CDH13: variants seen among roughly 807,000 people sequenced by gnomAD.
The protein encoded by CDH13 is cadherin 13.
A neutral mutation model predicts 63.8 loss-of-function variants in CDH13; 24 were observed. The ratio of observed to expected loss-of-function variants is 0.38; its 90% CI spans 0.27 to 0.53. The LOEUF (loss-of-function observed/expected upper bound fraction) is 0.53, where lower values mean the gene tolerates loss of function less well. CDH13 is among the 20% of genes least tolerant of loss of function. CDH13 has a pLI of 0.85. For synonymous variants in CDH13, 503 were observed against 355.3 expected (o/e 1.42, Z -4.67); for missense variants, 1,049 against 903.1 (o/e 1.16, Z -2.07).
intron 5 of CDH13, among the ~76,000 whole-genome samples, chr16:83,229,258 T>C (rs1022728727): frequency 1.3e-5 from 2 of 152,166 alleles, no homozygotes; most frequent in Non-Finnish European, 2.9e-5. Flanking sequence ...ATGCATTCAT[T>C]TATTGAGGCC....
chr16:83,416,255 A>T (rs1239566635), intron 6 of CDH13, among the ~76,000 whole-genome samples: 4 of 152,220 alleles, frequency 2.6e-5, no homozygotes, highest in African/African-American at 4.8e-5. Flanking sequence ...TAAAAGACAC[A>T]AACAGATAGA....
chr16:83,739,296 C>T (rs1214997030), intron 10 of CDH13, among the ~76,000 whole-genome samples: 1 of 152,082 alleles, frequency 6.6e-6, no homozygotes, highest in East Asian at 1.9e-4. Context: ...CGGTGAGCTT[C>T]CCTGATGGAG....
intron 1 of CDH13, among the ~76,000 whole-genome samples, chr16:82,693,382 A>G (rs16958318): frequency 0.044 from 6,713 of 152,304 alleles, 263 homozygotes; most frequent in African/African-American, 0.096. Flanking sequence ...ATTCTTGTAC[A>G]TGAAAACACA....
At chr16:82,654,576 A>G (rs924719746) in intron 1 of CDH13, among the ~76,000 whole-genome samples, 3 of 152,052 alleles carry the variant, frequency 2.0e-5, no homozygotes, top group Non-Finnish European at 4.4e-5. Flanking sequence ...ATCCTGATTG[A>G]CTGACTCTCT....
chr16:83,699,235 G>A (rs1284078402), intron 10 of CDH13, among the ~76,000 whole-genome samples: 1 of 152,182 alleles, frequency 6.6e-6, no homozygotes, highest in Non-Finnish European at 1.5e-5. Context: ...TCATCATTCT[G>A]CCTCCTGTTG....
intron 7 of CDH13, among the ~76,000 whole-genome samples, chr16:83,551,116 C>G (rs968720978): frequency 6.6e-6 from 1 of 151,110 alleles, no homozygotes; most frequent in Non-Finnish European, 1.5e-5. Flanking sequence ...GCTTCTCACT[C>G]CATCATCCAG....
At chr16:83,713,431 G>A (rs866293317) in intron 10 of CDH13, among the ~76,000 whole-genome samples, 25 of 152,162 alleles carry the variant, frequency 1.6e-4, no homozygotes, top group African/African-American at 5.8e-4. Flanking sequence ...TACAGAGTTG[G>A]GGAGGGAGGG....
intron 2 of CDH13, among the ~76,000 whole-genome samples, chr16:82,886,012 T>TA (rs1239694589): frequency 6.6e-6 from 1 of 152,168 alleles, no homozygotes; most frequent in Non-Finnish European, 1.5e-5. Flanking sequence ...AAAAGATACA[T>TA]AATATAATGT....
intron 10 of CDH13, among the ~76,000 whole-genome samples, chr16:83,747,740 T>G (rs1912723604): frequency 1.3e-5 from 2 of 148,504 alleles, no homozygotes; most frequent in African/African-American, 5.0e-5. Flanking sequence ...ACAACAGCAC[T>G]TCTCCCACTA....
intron 8 of CDH13, among the ~76,000 whole-genome samples, chr16:83,650,988 C>G (rs560245714): frequency 1.3e-5 from 2 of 151,810 alleles, no homozygotes; most frequent in Non-Finnish European, 2.9e-5. Flanking sequence ...GCAGTCCCAG[C>G]TACTCTGGGG....
intron 2 of CDH13, among the ~76,000 whole-genome samples, chr16:82,917,166 T>C (rs1412865871): frequency 1.3e-5 from 2 of 152,070 alleles, no homozygotes; most frequent in African/African-American, 2.4e-5. Context: ...GGAAGACGCT[T>C]ACAAATAAGA....
intron 6 of CDH13, among the ~76,000 whole-genome samples, chr16:83,390,624 C>T (rs2091768128): frequency 6.6e-6 from 1 of 152,082 alleles, no homozygotes; most frequent in Non-Finnish European, 1.5e-5. Flanking sequence ...AGGAGTCCTG[C>T]TGATCCCACT....
intron 7 of CDH13, among the ~76,000 whole-genome samples, chr16:83,550,612 A>T (rs2075472802): frequency 6.6e-6 from 1 of 152,158 alleles, no homozygotes; most frequent in African/African-American, 2.4e-5. Flanking sequence ...GCACATGAGG[A>T]GGGGGAAAGA....
chr16:82,656,721 C>T (rs778708425), intron 1 of CDH13, among the ~76,000 whole-genome samples: 19 of 152,134 alleles, frequency 1.2e-4, no homozygotes, highest in Non-Finnish European at 2.5e-4. Flanking sequence ...AAAATACTTG[C>T]TCTGCCTATT....
intron 1 of CDH13, among the ~76,000 whole-genome samples, chr16:82,778,983 CA>C (rs1476851005): frequency 6.6e-6 from 1 of 152,068 alleles, no homozygotes; most frequent in Admixed American, 6.5e-5. Flanking sequence ...TATATTAAAT[CA>C]ATCTCAGATG....
chr16:82,728,669 G>A (rs1033143153), intron 1 of CDH13, among the ~76,000 whole-genome samples: 3 of 152,150 alleles, frequency 2.0e-5, no homozygotes, highest in African/African-American at 7.2e-5. Context: ...GCTGATCAGG[G>A]TGGGGGTTGC....
chr16:82,958,905 G>A (rs990373476), intron 2 of CDH13, among the ~76,000 whole-genome samples: 1 of 152,218 alleles, frequency 6.6e-6, no homozygotes, highest in African/African-American at 2.4e-5. Context: ...ATGTTAAAGT[G>A]GTTATGAACG....
chr16:82,885,615 C>G (rs993995385), intron 2 of CDH13, among the ~76,000 whole-genome samples: 1 of 152,090 alleles, frequency 6.6e-6, no homozygotes, highest in Non-Finnish European at 1.5e-5. Context: ...ACCTTTTCTT[C>G]TATCTATCTG....
intron 5 of CDH13, among the ~76,000 whole-genome samples, chr16:83,330,257 G>A (rs1273595985): frequency 2.0e-5 from 3 of 152,062 alleles, no homozygotes. Flanking sequence ...AAGGAAATCT[G>A]GATACCAGAA....
Sources: gnomAD v4.1 joint callset for allele counts (sites outside exome capture counted in the v4.1 genomes callset) on GRCh38, gnomAD v4.1.1 for gene constraint, MANE v1.5 for transcripts, NCBI Gene and HGNC (gene_info 2026-07-23, HGNC 2026-07-21) for gene names.